NLGN1: variants seen among roughly 807,000 people sequenced by gnomAD.
NLGN1 encodes neuroligin 1.
Under a neutral mutation model 65.5 loss-of-function variants are expected in NLGN1, and 12 were observed. The ratio of observed to expected loss-of-function variants is 0.18; its 90% CI spans 0.12 to 0.30. The LOEUF (loss-of-function observed/expected upper bound fraction) is 0.30. Among genes scored for constraint, NLGN1 ranks in the 10% least tolerant of loss-of-function variants. The probability of loss-of-function intolerance (pLI) is 1.00; values close to 1 mark genes in which losing one functional copy is unlikely to be tolerated. For synonymous variants in NLGN1, 350 were observed against 359.5 expected (o/e 0.97, Z 0.30); for missense variants, 750 against 1,007.1 (o/e 0.74, Z 3.46).
chr3:173,887,303 G>A (rs1299711188), intron 4 of NLGN1, among the ~76,000 whole-genome samples: 2 of 151,954 alleles, frequency 1.3e-5, no homozygotes, highest in African/African-American at 2.4e-5. Flanking sequence ...GAATCCTAAA[G>A]AGTTCAGAGT....
rs367944459 is a variant in NLGN1 at position 174,038,912 on chromosome 3, A to G, written c.646+231080A>G. Among the ~76,000 whole-genome samples, 35 of 152,298 alleles carry G rather than the reference A, an allele frequency of 2.3e-4. No individual in the cohort carries two copies. The East Asian group carries it at 4.6e-3, about 20-fold the overall frequency. ...TAGCCCTCTTAATCTCTCTCCTTCC[A>G]TACCCACAGTAACCAGTGATGCTTA... is the stretch of plus-strand genomic sequence containing the variant. On this transcript the variant is annotated intron_variant, in intron 4 of 6. Coordinates refer to ENST00000457714, the Ensembl canonical transcript of NLGN1.
intron 4 of NLGN1, chr3:174,058,014 T>G (rs1194111098): frequency 1.3e-5 from 2 of 152,030 alleles, no homozygotes; most frequent in Non-Finnish European, 2.9e-5. Flanking sequence ...GAAGAGACAG[T>G]TGTAGCTAAG....
At chr3:174,043,866 T>C (rs774211471) in intron 4 of NLGN1, among the ~76,000 whole-genome samples, 114 of 152,244 alleles carry the variant, frequency 7.5e-4, no homozygotes, top group Non-Finnish European at 1.6e-3. Flanking sequence ...ATTTCCCTTA[T>C]GCACTGCCCT....
At chr3:173,564,263 A>G (rs1743273737) in intron 2 of NLGN1, among the ~76,000 whole-genome samples, 1 of 152,228 alleles carries the variant, frequency 6.6e-6, no homozygotes, top group Non-Finnish European at 1.5e-5. Flanking sequence ...ATTTTCCTCT[A>G]TGCTCTTTAT....
intron 4 of NLGN1, among the ~76,000 whole-genome samples, chr3:174,127,919 G>A (rs1719301714): frequency 6.6e-6 from 1 of 152,110 alleles, no homozygotes; most frequent in African/African-American, 2.4e-5. Context: ...AGGGGTGGTG[G>A]GGGCTATGAT....
intron 3 of NLGN1, among the ~76,000 whole-genome samples, chr3:173,610,789 TG>T (rs955780641): frequency 4.0e-5 from 6 of 151,886 alleles, no homozygotes; most frequent in Admixed American, 3.9e-4. Context: ...TAAGAGAGAA[TG>T]GGTGAAGATT....
chr3:173,568,478 A>C (rs1046911115), intron 2 of NLGN1, among the ~76,000 whole-genome samples: 2 of 151,494 alleles, frequency 1.3e-5, no homozygotes, highest in African/African-American at 2.4e-5. Context: ...AAAGTGAACC[A>C]CCCGCCTCGG....
chr3:174,045,783 A>G (rs1277841000), intron 4 of NLGN1, among the ~76,000 whole-genome samples: 1 of 152,184 alleles, frequency 6.6e-6, no homozygotes, highest in African/African-American at 2.4e-5. Flanking sequence ...ACAGTATTTG[A>G]ATAAATCTGC....
intron 2 of NLGN1, among the ~76,000 whole-genome samples, chr3:173,521,171 C>T (rs1365185411): frequency 6.6e-6 from 1 of 152,112 alleles, no homozygotes; most frequent in Non-Finnish European, 1.5e-5. Context: ...TAACCTGCTG[C>T]TGAATGCATG....
At chr3:174,238,565 G>GTT (rs1742178493) in intron 4 of NLGN1, among the ~76,000 whole-genome samples, 1 of 152,116 alleles carries the variant, frequency 6.6e-6, no homozygotes, top group Admixed American at 6.5e-5. Flanking sequence ...GTTTTACCAC[G>GTT]TTGGCCCGGA....
chr3:173,859,756 T>C (rs749153693), intron 4 of NLGN1, among the ~76,000 whole-genome samples: 2 of 152,120 alleles, frequency 1.3e-5, no homozygotes, highest in African/African-American at 2.4e-5. Context: ...ATTTGTTTTA[T>C]AAATTTGAAA....
intron 2 of NLGN1, among the ~76,000 whole-genome samples, chr3:173,465,245 G>A (rs1210083399): frequency 1.3e-5 from 2 of 152,194 alleles, no homozygotes; most frequent in Non-Finnish European, 2.9e-5. Flanking sequence ...TTGTAGACAA[G>A]AGCCAACACT....
chr3:174,293,759 G>A, the NLGN1 span, among the ~76,000 whole-genome samples: 117 of 151,606 alleles, frequency 7.7e-4, 1 homozygote, highest in African/African-American at 2.7e-3. Context: ...TGTGAAGCTG[G>A]GGAGTTGTAG....
intron 4 of NLGN1, among the ~76,000 whole-genome samples, chr3:173,976,829 T>G (rs994943313): frequency 1.8e-4 from 28 of 152,208 alleles, no homozygotes; most frequent in African/African-American, 6.5e-4. Context: ...TCTAACCTCT[T>G]AATAATTTGA....
chr3:174,186,871 A>C (rs1327345115), intron 4 of NLGN1, among the ~76,000 whole-genome samples: 1 of 151,968 alleles, frequency 6.6e-6, no homozygotes, highest in Non-Finnish European at 1.5e-5. Context: ...GGTATAATAG[A>C]TAAAAAGTAG....
chr3:173,908,276 A>T (rs1738869352), intron 4 of NLGN1, among the ~76,000 whole-genome samples: 1 of 152,134 alleles, frequency 6.6e-6, no homozygotes, highest in African/African-American at 2.4e-5. Flanking sequence ...CCACCTGGGG[A>T]GTTTTTGCAA....
intron 2 of NLGN1, among the ~76,000 whole-genome samples, chr3:173,454,007 C>A (rs565478633): frequency 6.6e-6 from 1 of 152,300 alleles, no homozygotes; most frequent in East Asian, 1.9e-4. Context: ...GAAATTGCCT[C>A]TTGATTCATT....
chr3:174,139,772 G>A (rs1721965977), intron 4 of NLGN1, among the ~76,000 whole-genome samples: 1 of 152,122 alleles, frequency 6.6e-6, no homozygotes, highest in African/African-American at 2.4e-5. Context: ...TCAACAGCAT[G>A]TGATGTTGTC....
intron 3 of NLGN1, among the ~76,000 whole-genome samples, chr3:173,620,286 T>C (rs372456800): frequency 1.3e-5 from 2 of 152,072 alleles, no homozygotes; most frequent in South Asian, 4.1e-4. Context: ...GTAAGAGATA[T>C]CTATTTGGCA....
Sources: gnomAD v4.1 joint callset for allele counts (sites outside exome capture counted in the v4.1 genomes callset) on GRCh38, gnomAD v4.1.1 for gene constraint, MANE v1.5 for transcripts, NCBI Gene and HGNC (gene_info 2026-07-23, HGNC 2026-07-21) for gene names.